Variants in PHB2 observed in about 807,000 individuals in gnomAD.
PHB2 encodes prohibitin 2, also known as prohibitin-2.
Under a neutral mutation model 46.4 loss-of-function variants are expected in PHB2, and 22 were observed. That is an observed-to-expected ratio of 0.47 (90% CI 0.34 to 0.68). The LOEUF (loss-of-function observed/expected upper bound fraction) is 0.68, where lower values mean the gene tolerates loss of function less well. Among genes scored for constraint, PHB2 ranks in the 30% least tolerant of loss-of-function variants. The probability of loss-of-function intolerance (pLI) is 0.01; values close to 1 mark genes in which losing one functional copy is unlikely to be tolerated. For synonymous variants in PHB2, 156 were observed against 150.5 expected (o/e 1.04, Z -0.27); for missense variants, 305 against 382.8 (o/e 0.80, Z 1.70).
Position 6,965,917 on chromosome 12 carries a change from C to G in PHB2, c.867-1G>C, listed in dbSNP as rs1555150717. ...AGAAGCAACAACAGCTTACCTTCCC[C>G]TGTGGTGCCAGATCGCCAGATGAAC... On this transcript the variant is annotated splice_acceptor_variant, in intron 8 of 9. Coordinates refer to ENST00000535923, the MANE Select transcript of PHB2 (RefSeq NM_001144831.2). LOFTEE classifies it high-confidence loss of function. The G allele has an allele frequency of 6.3e-7, 1 of 1,598,848 alleles. No homozygotes were observed. The highest frequency in any genetic ancestry group is 1.1e-5 in the South Asian group (1 of 90,922).
intron 9 of PHB2, 33 bp downstream of exon 9, chr12:6,965,878 C>T: frequency 6.3e-7 from 1 of 1,598,892 alleles, no homozygotes; most frequent in Non-Finnish European, 8.5e-7. Flanking sequence ...AGAAGGTGGC[C>T]TGCAGGACCC....
Position 6,966,498 on chromosome 12 carries a change from G to A in PHB2, c.792C>T (p.Ile264=), listed in dbSNP as rs375554999. ...IRAAQNISKT[I]ATSQNRIYLT... ...GATAGATACGATTCTGTGATGTGGC[G>A]ATCTACAGGGCAGGAAATAAGACAG... Residue 264 remains isoleucine (I), a splice_region_variant and synonymous_variant, in exon 8 of 10, where the codon ATC becomes ATT. Transcript: ENST00000535923. The A allele has an allele frequency of 7.0e-5, 112 of 1,598,386 alleles. No homozygotes were observed. Among genetic ancestry groups the A allele is most frequent in the African/African-American group, 2.8e-4 (21 of 74,672 alleles).
Position 6,967,329 on chromosome 12 carries a change from C to T in PHB2, c.712-81G>A. The T allele has an allele frequency of 6.2e-7, 1 of 1,611,890 alleles. No homozygotes were observed. Among genetic ancestry groups the T allele is most frequent in the Non-Finnish European group, 8.5e-7 (1 of 1,178,634 alleles). On this transcript the variant is annotated intron_variant, in intron 6 of 9. Transcript: ENST00000535923. This position sits in a 1 kb window ranked among gnomAD's most constrained non-coding sequence, Gnocchi z 4.9. ...ACCACACTCCCTTGCTCCAGTCCTC[C>T]TCTGGGCTGTCAGATCCAAGGTTGC...
intron 9 of PHB2, 21 bp from the exon 10 acceptor site, chr12:6,965,733 A>AT (rs782323763): frequency 5.1e-5 from 82 of 1,607,396 alleles, no homozygotes; most frequent in Non-Finnish European, 6.3e-5. Context: ...AAAAAGATAG[A>AT]TAATGACATT....
At chr12:6,968,680 T>C (rs1946258671) in intron 3 of PHB2, 85 bp from the exon 4 acceptor site, 2 of 1,040,410 alleles carry the variant, frequency 1.9e-6, no homozygotes, top group African/African-American at 3.1e-5. Context: ...CTGTATGCCC[T>C]GTGCAATGGT....
In PHB2 at chr12:6,967,041, G is replaced by A. The variant is rs1414815285; in HGVS notation, c.789+130C>T. 5.0e-5 allele frequency: 39 copies of A among 782,608 alleles called. No individual in the cohort carries two copies. Among genetic ancestry groups the A allele is most frequent in the South Asian group, 4.7e-4 (30 of 63,924 alleles). The allele number at this position is 782,608 out of a possible 1,614,324, so 48.5% of individuals were successfully genotyped here. On this transcript the variant is annotated intron_variant, in intron 7 of 9. Transcript: ENST00000535923. The surrounding 1 kb of genome is among the most constrained non-coding windows in gnomAD (Gnocchi z 4.9). ...GGGGATTACATGCGTGAGCCACCGC[G>A]CCGGCCAGAGAAGCCAATCTGAGTA...
intron 1 of PHB2, 41 bp from the exon 2 acceptor site, chr12:6,970,321 A>C (rs1555151847): frequency 6.2e-7 from 1 of 1,608,350 alleles, no homozygotes; most frequent in South Asian, 1.1e-5. Context: ...GCCGCTGCTC[A>C]GAGGAAATGC....
chr12:6,967,581 G>A lies in PHB2; in HGVS notation c.711+95C>T, dbSNP rs781835016. On this transcript the variant is annotated intron_variant, in intron 6 of 9. Transcript: ENST00000535923. This position sits in a 1 kb window ranked among gnomAD's most constrained non-coding sequence, Gnocchi z 4.9. ...GCCAAGGGCCAGAGAGCACGGAGTCGCATTCGCCTTAGTCTCATCAGCCTG... is the reference window on the plus strand; with the variant it reads ...GCCAAGGGCCAGAGAGCACGGAGTCACATTCGCCTTAGTCTCATCAGCCTG... 3.8e-5 allele frequency: 40 copies of A among 1,053,908 alleles called. No individual in the cohort carries two copies. In the East Asian group the frequency reaches 5.4e-4, roughly 14 times the overall value. The allele number at this position is 1,053,908 out of a possible 1,614,324, so 65.3% of individuals were successfully genotyped here.
chr12:6,967,611 T>A lies in PHB2; in HGVS notation c.711+65A>T, dbSNP rs1946238135. On this transcript the variant is annotated intron_variant, in intron 6 of 9. Transcript: ENST00000535923. This position sits in a 1 kb window ranked among gnomAD's most constrained non-coding sequence, Gnocchi z 4.9. ...CGCCTTAGTCTCATCAGCCTGCCCA[T>A]GAAGGAGAATGGGGAACTCAGGTGC... The A allele has an allele frequency of 7.7e-7, 1 of 1,294,704 alleles. No homozygotes were observed. The highest frequency in any genetic ancestry group is 1.5e-5 in the African/African-American group (1 of 68,866). 80.2% of individuals were successfully genotyped at this position (1,294,704 alleles called of 1,614,324 possible).
chr12:6,965,955 A>C (rs1338685733), intron 8 of PHB2, 39 bp from the exon 9 acceptor site: 1 of 1,595,266 alleles, frequency 6.3e-7, no homozygotes, highest in Non-Finnish European at 8.5e-7. Context: ...GAAACAGAGA[A>C]GAGAAATGCA....
chr12:6,965,590 G>A lies in PHB2; in HGVS notation c.*95C>T. ...GTGGGGGACCATCGCATGATACTGG[G>A]GCGGGGTAGGGCTGTGCTGGACCCC... On this transcript the variant is annotated 3_prime_UTR_variant, in exon 10 of 10. Coordinates refer to ENST00000535923, the MANE Select transcript of PHB2 (RefSeq NM_001144831.2). 1 of 935,392 alleles carries A rather than the reference G, an allele frequency of 1.1e-6. No individual in the cohort carries two copies. Among genetic ancestry groups the A allele is most frequent in the Non-Finnish European group, 1.7e-6 (1 of 580,396 alleles). The allele number at this position is 935,392 out of a possible 1,614,324, so 57.9% of individuals were successfully genotyped here.
At chr12:6,969,447 G>T in intron 3 of PHB2, 51 bp downstream of exon 3, 4 of 1,012,024 alleles carry the variant, frequency 4.0e-6, no homozygotes, top group Non-Finnish European at 6.1e-6. Flanking sequence ...TTTCTTGCCA[G>T]CTACCTTGAT....
chr12:6,968,965 T>C (rs1484760272), intron 3 of PHB2, among the ~76,000 whole-genome samples: 3 of 152,166 alleles, frequency 2.0e-5, no homozygotes, highest in African/African-American at 7.2e-5. Context: ...GTCTAGTAAA[T>C]GAATAAGCGA....
chr12:6,966,637 G>A, intron 7 of PHB2, 137 bp from the exon 8 acceptor site: 1 of 681,672 alleles, frequency 1.5e-6, no homozygotes, highest in Non-Finnish European at 2.7e-6. Context: ...CATGGTTTCT[G>A]CTCGCACTTA....
rs782240947 is a variant in PHB2 at position 6,967,879 on chromosome 12, T to C, written c.607+13A>G. 2 of 1,613,282 alleles carry C rather than the reference T, an allele frequency of 1.2e-6. No individual in the cohort carries two copies. The highest frequency in any genetic ancestry group is 2.2e-5 in the South Asian group (2 of 91,028). On this transcript the variant is annotated intron_variant, in intron 5 of 9. Transcript: ENST00000535923. The surrounding 1 kb of genome is among the most constrained non-coding windows in gnomAD (Gnocchi z 4.9). ...ATCTCAGAAGCCCTCACCCCACGGC[T>C]CTTGCGACTCACCCACTTGTTTGGC...
intron 8 of PHB2, 129 bp downstream of exon 8, chr12:6,966,294 AC>A: frequency 1.5e-6 from 1 of 678,714 alleles, no homozygotes; most frequent in Non-Finnish European, 2.7e-6. Flanking sequence ...ACTGTCAACC[AC>A]CCCCTTTTCT....
intron 4 of PHB2, 63 bp from the exon 5 acceptor site, chr12:6,968,084 A>G: frequency 6.8e-7 from 1 of 1,473,544 alleles, no homozygotes; most frequent in South Asian, 1.3e-5. Flanking sequence ...AGCTGAAAGG[A>G]AGGTTGCGAC....
Position 6,967,745 on chromosome 12 carries a change from T to C in PHB2, c.642A>G (p.Val214=). Residue 214 remains valine (V), a synonymous_variant, in exon 6 of 10, where the codon GTA becomes GTG. Coordinates refer to ENST00000535923, the MANE Select transcript of PHB2 (RefSeq NM_001144831.2). This position sits in a 1 kb window ranked among gnomAD's most constrained non-coding sequence, Gnocchi z 4.9. ...GCCGCTGTTCCTGCTTTGCTTTTTC[T>C]ACCAAGAATTGGGCCCGCTGGGCCT... is the stretch of plus-strand genomic sequence containing the variant. ...QQEAQRAQFL[V]EKAKQEQRQK... is the part of the protein sequence containing the mutation. The C allele has an allele frequency of 6.2e-7, 1 of 1,613,966 alleles. No individual in the cohort carries two copies. The highest frequency in any genetic ancestry group is 8.5e-7 in the Non-Finnish European group (1 of 1,179,872).
At chr12:6,966,176 A>G (rs782686739) in intron 8 of PHB2, among the ~76,000 whole-genome samples, 9 of 152,236 alleles carry the variant, frequency 5.9e-5, no homozygotes, top group Admixed American at 6.5e-5. Context: ...ACTGAGTATC[A>G]TCTTTCATCA....
Sources: allele counts gnomAD v4.1 joint callset (sites outside exome capture counted in the v4.1 genomes callset), GRCh38; gene constraint gnomAD v4.1.1; non-coding constraint Gnocchi (gnomAD v3.1); transcripts MANE v1.5; gene names NCBI Gene and HGNC (gene_info 2026-07-23, HGNC 2026-07-21).